The following TTC39C variants were observed in gnomAD, a reference collection of about 807,000 sequenced individuals.
TTC39C encodes the protein tetratricopeptide repeat domain 39C.
A neutral mutation model predicts 76.3 loss-of-function variants in TTC39C; 33 were observed. That is an observed-to-expected ratio of 0.43 (90% confidence interval 0.33 to 0.58). The LOEUF is 0.58. Ranked by LOEUF, TTC39C falls within the 20% of genes least tolerant of loss-of-function variation. The pLI, the probability that TTC39C is intolerant of heterozygous loss-of-function variation, is 0.04. For missense variants in TTC39C, 595 were observed against 701.4 expected, an observed-to-expected ratio of 0.85 and a Z score of 1.71; for synonymous variants, 254 against 260.6, an observed-to-expected ratio of 0.97 and a Z score of 0.24.
chr18:24,066,378 T>A (rs375497290), intron 3 of TTC39C, among the ~76,000 whole-genome samples: 1 of 152,322 alleles, frequency 6.6e-6, no homozygotes, highest in Admixed American at 6.5e-5. Flanking sequence ...ATCATCTTCT[T>A]CCATAATGGG....
rs1392055910 is a variant in TTC39C, at chr18:24,134,113, T to G, written c.*1539T>G. On this transcript the variant is annotated 3_prime_UTR_variant, in exon 14 of 14. Coordinates refer to ENST00000317571, the MANE Select transcript of TTC39C (RefSeq NM_001135993.2). ...AGTAGACTGTTTCCAAAATGTGTAT[T>G]CACATTGACTTTCTCCCTGATGTGA... 1 of 154,756 alleles carries G rather than the reference T, an allele frequency of 6.5e-6. No individual in the cohort carries two copies. Among genetic ancestry groups the G allele is most frequent in the East Asian group, 1.9e-4 (1 of 5,200 alleles). The allele number at this position is 154,756 out of a possible 1,614,324, so 9.6% of individuals were successfully genotyped here.
At chr18:24,014,620 A>AGCGG (rs2083424411), upstream of TTC39C, 1 of 371,974 alleles carries the variant, frequency 2.7e-6, no homozygotes, top group East Asian at 6.1e-5. Context: ...GCGCGAGAGG[A>AGCGG]GCGGGCGGGT....
chr18:24,002,146 G>A (rs1203860700), intron 1 of TTC39C, among the ~76,000 whole-genome samples: 2 of 152,002 alleles, frequency 1.3e-5, no homozygotes, highest in Non-Finnish European at 2.9e-5. Flanking sequence ...CAGCCTCCTT[G>A]GTGCCTTCCC....
At chr18:24,018,624 A>T (rs555085884) in intron 1 of TTC39C, among the ~76,000 whole-genome samples, 75 of 152,092 alleles carry the variant, frequency 4.9e-4, no homozygotes, top group African/African-American at 1.8e-3. Context: ...ACTCAGCCTG[A>T]AGGACAGTTT....
intron 3 of TTC39C, 59 bp downstream of exon 3, chr18:24,066,199 G>T: frequency 6.5e-7 from 1 of 1,535,430 alleles, no homozygotes; most frequent in East Asian, 2.5e-5. Flanking sequence ...TATCACTTTT[G>T]TTCATTTAGA....
chr18:24,035,731 G>A (rs2083723690), intron 1 of TTC39C, among the ~76,000 whole-genome samples: 1 of 151,960 alleles, frequency 6.6e-6, no homozygotes, highest in African/African-American at 2.4e-5. Flanking sequence ...TCCATGGATT[G>A]CCTTTTCACT....
At chr18:24,063,755 C>T (rs994598746) in intron 1 of TTC39C, among the ~76,000 whole-genome samples, 2 of 152,142 alleles carry the variant, frequency 1.3e-5, no homozygotes, top group Non-Finnish European at 2.9e-5. Flanking sequence ...CTCAGGTAAT[C>T]TGCCTGCCTC....
At chr18:24,027,453 A>G (rs1213991381) in intron 1 of TTC39C, among the ~76,000 whole-genome samples, 2 of 152,126 alleles carry the variant, frequency 1.3e-5, no homozygotes, top group African/African-American at 4.8e-5. Context: ...ACAAGAAAGA[A>G]CTTGATATCT....
At chr18:24,053,099 A>G (rs1343224864) in intron 1 of TTC39C, among the ~76,000 whole-genome samples, 1 of 152,248 alleles carries the variant, frequency 6.6e-6, no homozygotes, top group Non-Finnish European at 1.5e-5. Context: ...AGGACTTTTA[A>G]AGTAAGATGC....
chr18:24,012,746 C>A (rs1019511074), upstream of TTC39C, among the ~76,000 whole-genome samples: 4 of 152,042 alleles, frequency 2.6e-5, no homozygotes, highest in Admixed American at 2.6e-4. Flanking sequence ...AGGGTGACCT[C>A]GGGCAGTGTG....
intron 1 of TTC39C, among the ~76,000 whole-genome samples, chr18:24,054,789 A>G (rs2083996027): frequency 6.6e-6 from 1 of 152,202 alleles, no homozygotes; most frequent in African/African-American, 2.4e-5. Flanking sequence ...TTTCAAGTTT[A>G]CAGTTCAGTC....
At chr18:24,097,254 C>CA (rs2084601225) in intron 6 of TTC39C, among the ~76,000 whole-genome samples, 1 of 152,134 alleles carries the variant, frequency 6.6e-6, no homozygotes, top group Admixed American at 6.5e-5. Context: ...TTGAGCATCC[C>CA]AAAAAAACTG....
At position 24,131,890 on chromosome 18, in the gene TTC39C, A is replaced by C; in HGVS notation, c.1632A>C (p.Gly544=). 6.2e-7 allele frequency: 1 copy of C among 1,612,494 alleles called. No homozygotes were observed. Among genetic ancestry groups the C allele is most frequent in the Non-Finnish European group, 8.5e-7 (1 of 1,179,564 alleles). The part of the protein sequence containing the change: ...CLLLDKPETV[G]RGRALLLQAK... Reference sequence around the variant, plus strand: ...ATGTGTTTTTCTTATAGACTGTAGGAAGAGGCAGAGCTCTACTTCTTCAAG... The same window carrying C: ...ATGTGTTTTTCTTATAGACTGTAGGCAGAGGCAGAGCTCTACTTCTTCAAG... Residue 544 remains glycine (G), a synonymous_variant, in exon 13 of 14, where the codon GGA becomes GGC. Coordinates refer to ENST00000317571, the MANE Select transcript of TTC39C (RefSeq NM_001135993.2).
chr18:24,042,606 T>G (rs1022991278), intron 1 of TTC39C, among the ~76,000 whole-genome samples: 1 of 152,186 alleles, frequency 6.6e-6, no homozygotes, highest in Non-Finnish European at 1.5e-5. Flanking sequence ...TACACGTTTT[T>G]ACGCACATGT....
chr18:24,069,656 C>T (rs1005051137), intron 4 of TTC39C, among the ~76,000 whole-genome samples: 11 of 152,072 alleles, frequency 7.2e-5, no homozygotes, highest in African/African-American at 2.7e-4. Context: ...GCCTGAGTGG[C>T]TTCAATGGTT....
chr18:24,120,525 A>G (rs755165498), intron 8 of TTC39C, among the ~76,000 whole-genome samples: 2 of 152,190 alleles, frequency 1.3e-5, no homozygotes, highest in Non-Finnish European at 2.9e-5. Flanking sequence ...ATAGTTTTGT[A>G]CTTTTAAAAA....
intron 6 of TTC39C, among the ~76,000 whole-genome samples, chr18:24,111,543 G>T (rs1306327128): frequency 6.7e-6 from 1 of 150,264 alleles, no homozygotes; most frequent in African/African-American, 2.5e-5. Flanking sequence ...ACTCCAGCCT[G>T]GGTGACAGAG....
intron 4 of TTC39C, among the ~76,000 whole-genome samples, chr18:24,078,424 A>T (rs2084334621): frequency 6.6e-6 from 1 of 152,200 alleles, no homozygotes; most frequent in Non-Finnish European, 1.5e-5. Context: ...ATTACGTTGC[A>T]GTCTTATTTT....
intron 5 of TTC39C, among the ~76,000 whole-genome samples, chr18:24,082,149 T>G (rs768895588): frequency 2.6e-5 from 4 of 151,670 alleles, no homozygotes; most frequent in Non-Finnish European, 5.9e-5. Flanking sequence ...GTCTCCCAAG[T>G]AGCTAGGATT....
Sources: gnomAD v4.1 joint callset for allele counts (sites outside exome capture counted in the v4.1 genomes callset) on GRCh38, gnomAD v4.1.1 for gene constraint, MANE v1.5 for transcripts, NCBI Gene and HGNC (gene_info 2026-07-23, HGNC 2026-07-21) for gene names.